Variants in ADAMTSL3 observed in about 807,000 individuals in gnomAD.
ADAMTSL3 encodes ADAMTS like 3.
In ADAMTSL3, 128 loss-of-function variants were observed where a neutral mutation model predicts 201.7. The ratio of observed to expected loss-of-function variants is 0.63; its 90% CI spans 0.55 to 0.73. The LOEUF (loss-of-function observed/expected upper bound fraction) is 0.73, where lower values mean the gene tolerates loss of function less well. ADAMTSL3 is among the 30% of genes least tolerant of loss of function. The pLI, the probability that ADAMTSL3 is intolerant of heterozygous loss-of-function variation, is 0.00. For synonymous variants in ADAMTSL3, 738 were observed against 748.4 expected (o/e 0.99, Z 0.23); for missense variants, 1,990 against 2,119.6 (o/e 0.94, Z 1.20).
intron 2 of ADAMTSL3, among the ~76,000 whole-genome samples, chr15:83,676,831 AAC>A (rs2061412481): frequency 6.6e-6 from 1 of 152,224 alleles, no homozygotes; most frequent in Non-Finnish European, 1.5e-5. Flanking sequence ...TCCACGTGAA[AAC>A]ACAGTGAGAA....
intron 9 of ADAMTSL3, among the ~76,000 whole-genome samples, chr15:83,873,171 G>A (rs1363345401): frequency 6.9e-6 from 1 of 144,004 alleles, no homozygotes; most frequent in Non-Finnish European, 1.5e-5. Flanking sequence ...GGACGTGGTG[G>A]CACGCACCTG....
At chr15:83,838,007 T>C (rs2064307937) in intron 6 of ADAMTSL3, 82 bp from the exon 7 acceptor site, 1 of 1,532,240 alleles carries the variant, frequency 6.5e-7, no homozygotes. Flanking sequence ...AAGGATTACA[T>C]CACAACTAAG....
intron 9 of ADAMTSL3, among the ~76,000 whole-genome samples, chr15:83,875,069 G>A (rs563217971): frequency 4.0e-5 from 6 of 151,854 alleles, no homozygotes; most frequent in Admixed American, 2.0e-4. Flanking sequence ...CAAATGCCAA[G>A]GCAGGATGAG....
intron 17 of ADAMTSL3, among the ~76,000 whole-genome samples, chr15:83,934,623 T>A (rs933827003): frequency 2.6e-5 from 4 of 152,150 alleles, no homozygotes; most frequent in Non-Finnish European, 5.9e-5. Context: ...GGTTAGGCTT[T>A]GTGTCCCCAC....
At chr15:83,787,574 G>A (rs113198976) in intron 4 of ADAMTSL3, among the ~76,000 whole-genome samples, 4 of 152,234 alleles carry the variant, frequency 2.6e-5, no homozygotes, top group African/African-American at 9.6e-5. Context: ...AATGACTCAT[G>A]TAGGCTTGAG....
intron 8 of ADAMTSL3, chr15:83,862,818 G>A (rs1281012879): frequency 3.3e-5 from 5 of 152,150 alleles, no homozygotes; most frequent in Non-Finnish European, 5.9e-5. Flanking sequence ...AAAAGACACA[G>A]ACTGGCAAAT....
At chr15:83,826,016 CA>C (rs1422378426) in intron 6 of ADAMTSL3, among the ~76,000 whole-genome samples, 1 of 152,110 alleles carries the variant, frequency 6.6e-6, no homozygotes, top group Non-Finnish European at 1.5e-5. Flanking sequence ...AGGATCTAGC[CA>C]AACAGTAGAA....
chr15:83,882,768 C>T (rs1209454034), intron 9 of ADAMTSL3, among the ~76,000 whole-genome samples: 1 of 152,112 alleles, frequency 6.6e-6, no homozygotes, highest in Non-Finnish European at 1.5e-5. Flanking sequence ...TCCAATATTG[C>T]TTGTGAGAAA....
intron 7 of ADAMTSL3, among the ~76,000 whole-genome samples, chr15:83,839,337 G>T (rs1451408592): frequency 6.6e-6 from 1 of 152,160 alleles, no homozygotes; most frequent in African/African-American, 2.4e-5. Flanking sequence ...CTGGAGAAGA[G>T]TCTGGGTGTT....
intron 3 of ADAMTSL3, among the ~76,000 whole-genome samples, chr15:83,709,583 A>G (rs1269678418): frequency 1.3e-5 from 2 of 152,134 alleles, no homozygotes; most frequent in East Asian, 3.9e-4. Flanking sequence ...TGCCTAGATC[A>G]CCTTCTGGGA....
At chr15:83,960,001 A>C (rs1217364503) in intron 19 of ADAMTSL3, among the ~76,000 whole-genome samples, 1 of 152,208 alleles carries the variant, frequency 6.6e-6, no homozygotes, top group African/African-American at 2.4e-5. Context: ...AACAAAAGTA[A>C]CTCACATAGT....
At chr15:83,765,772 T>C (rs544358865) in intron 3 of ADAMTSL3, among the ~76,000 whole-genome samples, 1 of 152,192 alleles carries the variant, frequency 6.6e-6, no homozygotes, top group Admixed American at 6.5e-5. Flanking sequence ...TCCTAAGAGA[T>C]CCTTAAGCCT....
intron 8 of ADAMTSL3, among the ~76,000 whole-genome samples, chr15:83,866,682 C>T (rs545021386): frequency 1.2e-4 from 19 of 152,056 alleles, no homozygotes; most frequent in African/African-American, 2.9e-4. Flanking sequence ...ATGTGTGCAG[C>T]GCACCAACAT....
chr15:83,879,668 CA>C (rs1041100262), intron 9 of ADAMTSL3, among the ~76,000 whole-genome samples: 1 of 152,134 alleles, frequency 6.6e-6, no homozygotes, highest in African/African-American at 2.4e-5. Flanking sequence ...CAGAATATAA[CA>C]AAGTTTGGGA....
intron 6 of ADAMTSL3, among the ~76,000 whole-genome samples, chr15:83,835,521 C>A (rs1175283169): frequency 1.3e-5 from 2 of 152,148 alleles, no homozygotes; most frequent in African/African-American, 2.4e-5. Context: ...TCAAAACAAG[C>A]CCCTCCTAGC....
chr15:83,849,162 C>A (rs989433069), intron 7 of ADAMTSL3, among the ~76,000 whole-genome samples: 8 of 152,138 alleles, frequency 5.3e-5, no homozygotes, highest in African/African-American at 1.9e-4. Context: ...AAATTAGACA[C>A]GGTCGCCTAG....
chr15:83,727,205 A>G (rs1428064641), intron 3 of ADAMTSL3, among the ~76,000 whole-genome samples: 1 of 151,632 alleles, frequency 6.6e-6, no homozygotes, highest in Admixed American at 6.6e-5. Context: ...AATAACCACT[A>G]ATTATCCTTC....
chr15:83,946,516 A>G (rs1189064152), intron 19 of ADAMTSL3, among the ~76,000 whole-genome samples: 1 of 152,160 alleles, frequency 6.6e-6, no homozygotes, highest in Non-Finnish European at 1.5e-5. Flanking sequence ...TGGTCTTCCC[A>G]TCTGGTTTAT....
chr15:83,875,180 A>G (rs1436933512), intron 9 of ADAMTSL3, among the ~76,000 whole-genome samples: 4 of 152,220 alleles, frequency 2.6e-5, no homozygotes, highest in Admixed American at 6.5e-5. Context: ...AAATCTGACC[A>G]TGAGTGAAGG....
Sources: gnomAD v4.1 joint callset for allele counts (sites outside exome capture counted in the v4.1 genomes callset) on GRCh38, gnomAD v4.1.1 for gene constraint, MANE v1.5 for transcripts, NCBI Gene and HGNC (gene_info 2026-07-23, HGNC 2026-07-21) for gene names.